NCKAP5: variants seen among roughly 807,000 people sequenced by gnomAD.
NCKAP5 encodes the protein NCK associated protein 5.
A neutral mutation model predicts 167.0 loss-of-function variants in NCKAP5; 92 were observed. That is an observed-to-expected ratio of 0.55 (90% CI 0.47 to 0.66). The LOEUF is 0.66. NCKAP5 is among the 30% of genes least tolerant of loss of function. The pLI, the probability that NCKAP5 is intolerant of heterozygous loss-of-function variation, is 0.00. For missense variants in NCKAP5, 2,378 were observed against 2,315.0 expected (o/e 1.03, Z -0.56); for synonymous variants, 891 against 877.4 (o/e 1.02, Z -0.27).
intron 3 of NCKAP5, among the ~76,000 whole-genome samples, chr2:133,382,385 A>G (rs1574842246): frequency 6.6e-6 from 1 of 152,098 alleles, no homozygotes; most frequent in Non-Finnish European, 1.5e-5. Context: ...CTTTTTGCAA[A>G]TCAGAATGGT....
intron 4 of NCKAP5, among the ~76,000 whole-genome samples, chr2:133,287,458 C>G (rs2150497575): frequency 6.6e-6 from 1 of 152,302 alleles, no homozygotes; most frequent in East Asian, 1.9e-4. Flanking sequence ...GTCTGAATTT[C>G]TAGAGGATAT....
chr2:132,828,453 TCCTG>T (rs1244133877), intron 11 of NCKAP5, among the ~76,000 whole-genome samples: 1 of 152,116 alleles, frequency 6.6e-6, no homozygotes, highest in Non-Finnish European at 1.5e-5. Flanking sequence ...TCTCTCTTGC[TCCTG>T]CTCCAGCCAT....
intron 3 of NCKAP5, among the ~76,000 whole-genome samples, chr2:133,399,554 G>A (rs1303525078): frequency 6.6e-6 from 1 of 152,044 alleles, no homozygotes; most frequent in Non-Finnish European, 1.5e-5. Flanking sequence ...TTTTATATGA[G>A]GTTTTAAATT....
the NCKAP5 span, among the ~76,000 whole-genome samples, chr2:133,621,785 G>A: frequency 2.6e-5 from 4 of 152,110 alleles, no homozygotes; most frequent in Admixed American, 2.0e-4. Flanking sequence ...ATCATTCTAT[G>A]AAGCCAGTAT....
At chr2:132,809,310 C>T (rs141302236) in intron 11 of NCKAP5, among the ~76,000 whole-genome samples, 2,849 of 152,142 alleles carry the variant, frequency 0.019, 84 homozygotes, top group African/African-American at 0.066. Context: ...AGTTTACATC[C>T]ATTGTTTCTT....
chr2:133,528,816 A>G (rs1037289574), intron 2 of NCKAP5, among the ~76,000 whole-genome samples: 3 of 152,202 alleles, frequency 2.0e-5, no homozygotes, highest in Non-Finnish European at 4.4e-5. Context: ...CAGTACGGTT[A>G]CTGCTTCTAA....
chr2:133,606,441 G>A, the NCKAP5 span, among the ~76,000 whole-genome samples: 12 of 152,160 alleles, frequency 7.9e-5, no homozygotes, highest in South Asian at 4.1e-4. Flanking sequence ...GAGGAAGCTC[G>A]TGTGGACTTC....
At chr2:133,231,897 T>G (rs2087166910) in intron 4 of NCKAP5, among the ~76,000 whole-genome samples, 1 of 152,218 alleles carries the variant, frequency 6.6e-6, no homozygotes, top group African/African-American at 2.4e-5. Context: ...ATGCTAGTCA[T>G]TTTCCGAAAT....
At chr2:133,422,096 A>G (rs898660441) in intron 3 of NCKAP5, among the ~76,000 whole-genome samples, 10 of 152,218 alleles carry the variant, frequency 6.6e-5, no homozygotes, top group African/African-American at 2.4e-4. Flanking sequence ...AGTGCAGGGG[A>G]CACTCCCATT....
chr2:132,756,195 C>T (rs1680540373), intron 16 of NCKAP5, among the ~76,000 whole-genome samples: 1 of 152,146 alleles, frequency 6.6e-6, no homozygotes, highest in South Asian at 2.1e-4. Context: ...ACATTACCAA[C>T]AAGGTCTAAG....
intron 4 of NCKAP5, among the ~76,000 whole-genome samples, chr2:133,299,917 T>C (rs1000408209): frequency 1.3e-5 from 2 of 151,234 alleles, no homozygotes; most frequent in African/African-American, 4.9e-5. Context: ...AAGAATCAAA[T>C]AGACACAATA....
At chr2:132,922,108 G>A (rs539327821) in intron 8 of NCKAP5, among the ~76,000 whole-genome samples, 4 of 152,198 alleles carry the variant, frequency 2.6e-5, no homozygotes, top group East Asian at 1.9e-4. Flanking sequence ...GTTCATGAAC[G>A]CAGCTATGCA....
At chr2:133,344,398 A>G (rs1683815314) in intron 3 of NCKAP5, among the ~76,000 whole-genome samples, 1 of 145,392 alleles carries the variant, frequency 6.9e-6, no homozygotes, top group Non-Finnish European at 1.5e-5. Context: ...ACAAAGTGAA[A>G]CTTTGTCTCA....
chr2:133,574,517 A>C, the NCKAP5 span, among the ~76,000 whole-genome samples: 39 of 151,642 alleles, frequency 2.6e-4, no homozygotes, highest in African/African-American at 8.5e-4. Flanking sequence ...AAAGCTTTTT[A>C]GTTAAAACGA....
chr2:133,359,405 A>C (rs1254129942), intron 3 of NCKAP5, among the ~76,000 whole-genome samples: 1 of 152,206 alleles, frequency 6.6e-6, no homozygotes, highest in Non-Finnish European at 1.5e-5. Flanking sequence ...AATCTTATGC[A>C]TAATTATGTG....
At chr2:133,558,577 G>A (rs149373814) in intron 2 of NCKAP5, among the ~76,000 whole-genome samples, 3 of 151,822 alleles carry the variant, frequency 2.0e-5, no homozygotes, top group Non-Finnish European at 2.9e-5. Context: ...TCCGTTACCT[G>A]CTTCTACTCT....
chr2:132,739,278 C>A (rs1032517882), intron 16 of NCKAP5, among the ~76,000 whole-genome samples: 3 of 152,086 alleles, frequency 2.0e-5, no homozygotes, highest in Non-Finnish European at 2.9e-5. Flanking sequence ...GAATTTGTAA[C>A]CTCAAAACTC....
the NCKAP5 span, among the ~76,000 whole-genome samples, chr2:133,597,720 A>T: frequency 6.7e-6 from 1 of 149,230 alleles, no homozygotes; most frequent in East Asian, 2.0e-4. Context: ...AAAGGGGGAG[A>T]TGCTACTGTC....
chr2:133,065,258 G>T (rs527868196), intron 6 of NCKAP5, among the ~76,000 whole-genome samples: 7 of 152,300 alleles, frequency 4.6e-5, no homozygotes, highest in African/African-American at 1.7e-4. Flanking sequence ...AAAATGGAAA[G>T]CACACACACA....
Sources: allele counts gnomAD v4.1 joint callset (sites outside exome capture counted in the v4.1 genomes callset), GRCh38; gene constraint gnomAD v4.1.1; transcripts MANE v1.5; gene names NCBI Gene and HGNC (gene_info 2026-07-23, HGNC 2026-07-21).